Variants in CFAP77 observed in about 807,000 individuals in gnomAD.
The protein encoded by CFAP77 is cilia and flagella associated protein 77.
Under a neutral mutation model 31.1 loss-of-function variants are expected in CFAP77, and 25 were observed. That is an observed-to-expected ratio of 0.80 (90% confidence interval 0.59 to 1.12). The LOEUF is 1.12. CFAP77 is among the 50% of genes most tolerant of loss of function. CFAP77 has a pLI of 0.00. For synonymous variants in CFAP77, 151 were observed against 159.9 expected (o/e 0.94, Z 0.42); for missense variants, 377 against 397.3 (o/e 0.95, Z 0.44).
intron 1 of CFAP77, among the ~76,000 whole-genome samples, chr9:132,452,804 C>T (rs535445974): frequency 6.6e-6 from 1 of 152,134 alleles, no homozygotes; most frequent in South Asian, 2.1e-4. Flanking sequence ...ACTAAACAGC[C>T]TGGAGACCCA....
chr9:132,428,573 C>T (rs2131687842), intron 1 of CFAP77, among the ~76,000 whole-genome samples: 1 of 152,278 alleles, frequency 6.6e-6, no homozygotes, highest in South Asian at 2.1e-4. Context: ...CAAGATTGCA[C>T]CATTGCACTC....
Position 132,499,839 on chromosome 9 carries a change from T to C in CFAP77, c.524+239T>C, listed in dbSNP as rs1173524835. 6.6e-6 allele frequency among the ~76,000 whole-genome samples: 1 copy of C among 152,096 alleles called. No individual in the cohort carries two copies. Among genetic ancestry groups the C allele is most frequent in the Non-Finnish European group, 1.5e-5 (1 of 68,020 alleles). ...GCACAGGTCACCCACTTTCCCTTGA[T>C]CAACAAACAGTGATTGAGACCTGTC... On this transcript the variant is annotated intron_variant, in intron 3 of 5. Coordinates refer to ENST00000393216, the MANE Select transcript of CFAP77 (RefSeq NM_001282957.2). The surrounding 1 kb of genome is among the most constrained non-coding windows in gnomAD (Gnocchi z 5.4).
chr9:132,521,184 G>A (rs1017613654), intron 3 of CFAP77, among the ~76,000 whole-genome samples: 5 of 152,142 alleles, frequency 3.3e-5, no homozygotes, highest in Non-Finnish European at 7.3e-5. Context: ...CTGACATGCC[G>A]ACTTAATGGC....
chr9:132,537,576 CTCTG>C, intron 3 of CFAP77, 21 bp from the exon 4 acceptor site: 2 of 1,579,242 alleles, frequency 1.3e-6, no homozygotes, highest in Non-Finnish European at 1.7e-6. Context: ...GGGCCTCAAG[CTCTG>C]TCTGGACTTC....
intron 3 of CFAP77, among the ~76,000 whole-genome samples, chr9:132,532,030 A>G (rs771644944): frequency 6.6e-6 from 1 of 152,222 alleles, no homozygotes; most frequent in Non-Finnish European, 1.5e-5. Flanking sequence ...TAGAAAACAC[A>G]GCTATAAATT....
chr9:132,453,520 C>T (rs1042925855), intron 1 of CFAP77, among the ~76,000 whole-genome samples: 33 of 152,204 alleles, frequency 2.2e-4, no homozygotes, highest in African/African-American at 6.3e-4. Flanking sequence ...AGCGAGACTC[C>T]GTCTCAAAAA....
At chr9:132,420,431 T>C (rs1850192825) in intron 1 of CFAP77, among the ~76,000 whole-genome samples, 2 of 151,232 alleles carry the variant, frequency 1.3e-5, no homozygotes, top group Admixed American at 1.3e-4. Flanking sequence ...GGTGGGCGGA[T>C]CACTTGAGGC....
At position 132,561,437 on chromosome 9, in the gene CFAP77, G is replaced by T. The variant is rs1029720826; in HGVS notation, c.733-10951G>T. 2.0e-5 allele frequency among the ~76,000 whole-genome samples: 3 copies of T among 151,768 alleles called. No homozygotes were observed. In the East Asian group the frequency reaches 5.8e-4, roughly 29 times the overall value. On this transcript the variant is annotated intron_variant, in intron 5 of 5. Coordinates refer to ENST00000393216, the MANE Select transcript of CFAP77 (RefSeq NM_001282957.2). ...ACTGGAAGCTTGGTGTTTAGTTAGGGGACCTTCGTGTGGCCAGTGCGTGGG... is the reference window on the plus strand; with the variant it reads ...ACTGGAAGCTTGGTGTTTAGTTAGGTGACCTTCGTGTGGCCAGTGCGTGGG...
chr9:132,522,319 G>A (rs1852283320), intron 3 of CFAP77, among the ~76,000 whole-genome samples: 1 of 152,186 alleles, frequency 6.6e-6, no homozygotes, highest in Non-Finnish European at 1.5e-5. Flanking sequence ...CCGGAAGGGT[G>A]GGAGTCCAGG....
intron 1 of CFAP77, among the ~76,000 whole-genome samples, chr9:132,446,104 T>G (rs796697134): frequency 7.9e-5 from 12 of 152,184 alleles, no homozygotes; most frequent in African/African-American, 2.6e-4. Context: ...GTCCTACAAA[T>G]GATGCTGGTG....
At chr9:132,458,357 G>GGGGGGGGTGT (rs139008147) in intron 1 of CFAP77, among the ~76,000 whole-genome samples, 3 of 119,046 alleles carry the variant, frequency 2.5e-5, no homozygotes, top group Admixed American at 9.8e-5. Flanking sequence ...GAGGGGGGGG[G>GGGGGGGGTGT]GTGTGTATGG....
At chr9:132,421,334 G>A (rs1007897347) in intron 1 of CFAP77, among the ~76,000 whole-genome samples, 1 of 151,562 alleles carries the variant, frequency 6.6e-6, no homozygotes, top group Non-Finnish European at 1.5e-5. Context: ...TATGTGGGGG[G>A]GAACTGAAGA....
chr9:132,553,425 G>A (rs2119086106), intron 5 of CFAP77, among the ~76,000 whole-genome samples: 1 of 152,230 alleles, frequency 6.6e-6, no homozygotes, highest in South Asian at 2.1e-4. Flanking sequence ...AACTAAGTGA[G>A]ACTCTGTCTC....
Position 132,511,890 on chromosome 9 carries a change from C to T in CFAP77, c.524+12290C>T, listed in dbSNP as rs1852048389. Reference sequence around the variant, plus strand: ...CCAATATGGTGAAATCCCGTCTCTACCAAAGATACAAAAATTAGCTGGGTG... The same window carrying T: ...CCAATATGGTGAAATCCCGTCTCTATCAAAGATACAAAAATTAGCTGGGTG... On this transcript the variant is annotated intron_variant, in intron 3 of 5. Transcript: ENST00000393216. The surrounding 1 kb of genome is among the most constrained non-coding windows in gnomAD (Gnocchi z 5.8). 2.0e-5 allele frequency among the ~76,000 whole-genome samples: 3 copies of T among 152,070 alleles called. No homozygotes were observed. The highest frequency in any genetic ancestry group is 7.2e-5 in the African/African-American group (3 of 41,400).
At chr9:132,413,271 C>T (rs1850039771) in intron 1 of CFAP77, among the ~76,000 whole-genome samples, 1 of 152,096 alleles carries the variant, frequency 6.6e-6, no homozygotes, top group African/African-American at 2.4e-5. Flanking sequence ...CTGCAAGTTG[C>T]CACCATAACC....
At chr9:132,438,518 G>GTTATAT in intron 1 of CFAP77, among the ~76,000 whole-genome samples, 1 of 111,194 alleles carries the variant, frequency 9.0e-6, no homozygotes, top group African/African-American at 3.8e-5. Context: ...GAACAGATAT[G>GTTATAT]GTATATATAT....
chr9:132,509,659 C>T (rs1241061068), intron 3 of CFAP77, among the ~76,000 whole-genome samples: 1 of 152,148 alleles, frequency 6.6e-6, no homozygotes, highest in Non-Finnish European at 1.5e-5. Flanking sequence ...ATCCCAGCTA[C>T]TCGGGAGGCT....
At chr9:132,468,509 C>T (rs1332652077) in intron 1 of CFAP77, among the ~76,000 whole-genome samples, 2 of 152,300 alleles carry the variant, frequency 1.3e-5, no homozygotes, top group African/African-American at 4.8e-5. Context: ...CTCGTACTCA[C>T]CCAGCACTTC....
At chr9:132,416,455 C>T (rs1850101371) in intron 1 of CFAP77, among the ~76,000 whole-genome samples, 1 of 150,688 alleles carries the variant, frequency 6.6e-6, no homozygotes, top group African/African-American at 2.4e-5. Flanking sequence ...ATTCTCCTGC[C>T]TCAGCCTCCC....
Sources: allele counts gnomAD v4.1 joint callset (sites outside exome capture counted in the v4.1 genomes callset), GRCh38; gene constraint gnomAD v4.1.1; non-coding constraint Gnocchi (gnomAD v3.1); transcripts MANE v1.5; gene names NCBI Gene and HGNC (gene_info 2026-07-23, HGNC 2026-07-21).